Variants in PCDHA8 observed in about 807,000 individuals in gnomAD.
PCDHA8 encodes protocadherin alpha 8.
A neutral mutation model predicts 61.8 loss-of-function variants in PCDHA8; 53 were observed. The ratio of observed to expected loss-of-function variants is 0.86; its 90% CI spans 0.69 to 1.08. The LOEUF (loss-of-function observed/expected upper bound fraction) is 1.08. PCDHA8 is among the 50% of genes least tolerant of loss of function. PCDHA8 has a pLI of 0.00. For synonymous variants in PCDHA8, 618 were observed against 556.6 expected (o/e 1.11, Z -1.55); for missense variants, 1,293 against 1,245.0 (o/e 1.04, Z -0.58).
At chr5:140,869,721 G>A (rs1554163371) in intron 1 of PCDHA8, 2 of 1,613,340 alleles carry the variant, frequency 1.2e-6, no homozygotes, top group Non-Finnish European at 1.7e-6. Flanking sequence ...AGAAAACTCC[G>A]GAACTTAATT....
At chr5:140,916,417 A>G (rs2077566178) in intron 1 of PCDHA8, among the ~76,000 whole-genome samples, 1 of 152,246 alleles carries the variant, frequency 6.6e-6, no homozygotes. Flanking sequence ...AAGTCAGCAC[A>G]TCTCAGAACC....
chr5:140,949,852 T>C (rs1311994394), intron 1 of PCDHA8, among the ~76,000 whole-genome samples: 1 of 151,956 alleles, frequency 6.6e-6, no homozygotes. Context: ...TGTTTCCGCT[T>C]ATCTGTTGTC....
At chr5:140,967,547 A>G (rs1554229662) in intron 1 of PCDHA8, 1 of 1,613,890 alleles carries the variant, frequency 6.2e-7, no homozygotes, top group Non-Finnish European at 8.5e-7. Context: ...TGACCAGTCC[A>G]CTTATCGCGT....
At chr5:140,998,112 T>A (rs1554256165) in intron 3 of PCDHA8, among the ~76,000 whole-genome samples, 2 of 152,152 alleles carry the variant, frequency 1.3e-5, no homozygotes, top group Non-Finnish European at 2.9e-5. Context: ...AGGAGAAAAT[T>A]TACTTGTGAA....
intron 1 of PCDHA8, chr5:140,929,422 T>C: frequency 1.3e-6 from 2 of 1,500,730 alleles, no homozygotes; most frequent in Non-Finnish European, 1.8e-6. Context: ...CAACATTTCA[T>C]CAATTGAACT....
chr5:140,868,423 T>A (rs1554161972), intron 1 of PCDHA8: 1 of 151,106 alleles, frequency 6.6e-6, no homozygotes, highest in African/African-American at 2.4e-5. Flanking sequence ...CCCACAGAGA[T>A]GAGAATAGAT....
At chr5:140,960,934 A>G (rs1429908471) in intron 1 of PCDHA8, among the ~76,000 whole-genome samples, 3 of 152,236 alleles carry the variant, frequency 2.0e-5, no homozygotes, top group Admixed American at 1.3e-4. Context: ...TACTAAGTTT[A>G]GTGAATTAGA....
At chr5:140,854,722 C>G (rs78325333) in intron 1 of PCDHA8, 1 of 149,404 alleles carries the variant, frequency 6.7e-6, no homozygotes, top group African/African-American at 2.5e-5. Flanking sequence ...ACAGAAAACT[C>G]AAGTTTTTTT....
intron 1 of PCDHA8, chr5:140,857,488 C>A (rs782255025): frequency 6.3e-7 from 1 of 1,598,442 alleles, no homozygotes; most frequent in South Asian, 1.1e-5. Context: ...CTGCGTGGGA[C>A]GCGGACGCGC....
intron 3 of PCDHA8, among the ~76,000 whole-genome samples, chr5:140,987,811 C>CT (rs1444999429): frequency 6.6e-6 from 1 of 152,100 alleles, no homozygotes; most frequent in East Asian, 1.9e-4. Flanking sequence ...GTGCCTGTCT[C>CT]TTTGTTTCCT....
intron 1 of PCDHA8, chr5:140,860,694 G>T (rs1263105739): frequency 2.6e-5 from 4 of 152,196 alleles, no homozygotes; most frequent in African/African-American, 7.2e-5. Context: ...TGAGCGACAG[G>T]ATATTGTTGT....
intron 1 of PCDHA8, chr5:140,869,853 C>T: frequency 1.2e-6 from 2 of 1,610,606 alleles, no homozygotes; most frequent in South Asian, 2.2e-5. Flanking sequence ...ATAAGGTGAG[C>T]CTTATGGAAA....
chr5:140,957,281 T>A (rs1317654133), intron 1 of PCDHA8, among the ~76,000 whole-genome samples: 3 of 152,178 alleles, frequency 2.0e-5, no homozygotes, highest in Non-Finnish European at 2.9e-5. Flanking sequence ...CCCCCTTACC[T>A]GCAGTTTCAC....
chr5:140,852,688 T>G, intron 1 of PCDHA8: 1 of 971,908 alleles, frequency 1.0e-6, no homozygotes, highest in Non-Finnish European at 1.2e-6. Flanking sequence ...GAATATAGTC[T>G]TATACTTTCA....
At chr5:140,964,998 G>C (rs2095868277) in intron 1 of PCDHA8, among the ~76,000 whole-genome samples, 1 of 152,166 alleles carries the variant, frequency 6.6e-6, no homozygotes, top group Admixed American at 6.5e-5. Flanking sequence ...TTTGAATTCT[G>C]GGTGTCAGGA....
intron 1 of PCDHA8, chr5:140,863,859 G>A (rs1448688968): frequency 1.7e-5 from 3 of 176,552 alleles, no homozygotes; most frequent in African/African-American, 4.8e-5. Flanking sequence ...AAATTAGCTG[G>A]GTGTGGTGGT....
rs1215327894 is a variant in PCDHA8 at position 140,868,871 on chromosome 5, A to T, written c.2394+25156A>T. On this transcript the variant is annotated intron_variant, in intron 1 of 3. Transcript: ENST00000531613. ...TTCTGTGGTGGTAAATGCAGTGCAC[A>T]GTACTCACAGTTTTAGGCGCAAGGT... 4.8e-6 allele frequency: 3 copies of T among 625,152 alleles called. No homozygotes were observed. In the Admixed American group the frequency reaches 9.8e-5, roughly 20 times the overall value. 38.7% of individuals were successfully genotyped at this position (625,152 alleles called of 1,614,324 possible).
intron 1 of PCDHA8, chr5:140,853,147 G>C (rs1171856097): frequency 1.2e-6 from 1 of 825,412 alleles, no homozygotes; most frequent in Admixed American, 6.4e-5. Context: ...CCAAAATGCT[G>C]GGATTACAGG....
chr5:140,968,301 A>G (rs886575781), intron 1 of PCDHA8: 9 of 1,613,914 alleles, frequency 5.6e-6, no homozygotes, highest in Non-Finnish European at 7.6e-6. Flanking sequence ...CTGGAGAGGG[A>G]GATTCAAGGG....
Sources: gnomAD v4.1 joint callset for allele counts (sites outside exome capture counted in the v4.1 genomes callset) on GRCh38, gnomAD v4.1.1 for gene constraint, MANE v1.5 for transcripts, NCBI Gene and HGNC (gene_info 2026-07-23, HGNC 2026-07-21) for gene names.